Variants in LAMC3 observed in about 807,000 individuals in gnomAD.
LAMC3 encodes laminin subunit gamma-3.
Under a neutral mutation model 173.8 loss-of-function variants are expected in LAMC3, and 128 were observed. The observed-to-expected ratio is 0.74, with a 90% confidence interval of 0.64 to 0.85. The LOEUF (loss-of-function observed/expected upper bound fraction) is 0.85. LAMC3 is among the 40% of genes least tolerant of loss of function. The pLI is 0.00. For synonymous variants in LAMC3, 897 were observed against 909.1 expected, an observed-to-expected ratio of 0.99 and a Z score of 0.24; for missense variants, 2,022 against 2,156.0, an observed-to-expected ratio of 0.94 and a Z score of 1.23.
Position 131,082,104 on chromosome 9 carries a change from G to A in LAMC3, c.3973G>A (p.Val1325Ile), listed in dbSNP as rs568976823. The change falls in exon 24 of 28, where the codon GTC (valine) becomes ATC (isoleucine). Residue 1325 changes from valine to isoleucine, a missense_variant. Physicochemically the swap from Val to Ile is conservative, Grantham distance 29 (BLOSUM62 3). Transcript: ENST00000361069. ...CGCCCTGACCCAGGCTTCCTCATCT[G>A]TCCAGGCTGCGACAGTGACTGTCAT... is the stretch of plus-strand genomic sequence containing the variant. ...RAALTQASSS[V>I]QAATVTVMGA... 14 of 1,614,008 alleles carry A rather than the reference G, an allele frequency of 8.7e-6. No individual in the cohort carries two copies. In the African/African-American group the frequency reaches 1.3e-4, roughly 15 times the overall value.
intron 1 of LAMC3, among the ~76,000 whole-genome samples, chr9:131,013,300 A>G (rs969576128): frequency 1.3e-5 from 2 of 152,086 alleles, no homozygotes; most frequent in Admixed American, 1.3e-4. Flanking sequence ...CCTGGGAGGA[A>G]CAGTATGGGC....
chr9:131,033,713 C>G (rs893289402), intron 3 of LAMC3, among the ~76,000 whole-genome samples: 1 of 152,062 alleles, frequency 6.6e-6, no homozygotes, highest in Non-Finnish European at 1.5e-5. Flanking sequence ...AGGCGGGAGG[C>G]GGCAGCTTGG....
At chr9:131,019,334 G>A (rs1012612899) in intron 1 of LAMC3, among the ~76,000 whole-genome samples, 2 of 152,192 alleles carry the variant, frequency 1.3e-5, no homozygotes, top group Non-Finnish European at 2.9e-5. Context: ...CTTGGGGCAG[G>A]TGCCATGAAT....
chr9:131,061,037 A>G lies in LAMC3; in HGVS notation c.2161A>G (p.Ile721Val), dbSNP rs770443501. The G allele has an allele frequency of 1.9e-6, 3 of 1,613,938 alleles. No homozygotes were observed. The highest frequency in any genetic ancestry group is 1.7e-6 in the Non-Finnish European group (2 of 1,179,966). Reference protein sequence around the residue: ...QHGTCDPNTGICVCSHHTEGP... With the variant: ...QHGTCDPNTGVCVCSHHTEGP... ...GTGGTGCTTGTCTTGCCCCTCAGGG[A>G]TCTGTGTCTGCAGCCACCATACCGA... The change falls in exon 13 of 28, where the codon ATC becomes GTC. Residue 721 changes from isoleucine (I) to valine (V), a missense_variant and splice_region_variant. By Grantham distance (29) the Ile-to-Val change is conservative. Transcript: ENST00000361069.
At chr9:131,083,214 G>C (rs1280549016) in intron 24 of LAMC3, among the ~76,000 whole-genome samples, 1 of 152,106 alleles carries the variant, frequency 6.6e-6, no homozygotes, top group Non-Finnish European at 1.5e-5. Flanking sequence ...CTCCAACAAT[G>C]GGGGGCTCAC....
chr9:131,069,755 TACAAATGTGACCGCTGCCACG>T lies in LAMC3; in HGVS notation c.2979_2999del (p.Lys993_Asp999del), dbSNP rs1564385286. Reference sequence around the variant, plus strand: ...CGTGTGCAGGCCTGGCTTCGAGGGCTACAAATGTGACCGCTGCCACGACAACTTCTTCCTCACGGCAGACGG... The same window carrying T: ...CGTGTGCAGGCCTGGCTTCGAGGGCTACAACTTCTTCCTCACGGCAGACGG... On this transcript the variant is annotated inframe_deletion, in exon 17 of 28. Coordinates refer to ENST00000361069, the MANE Select transcript of LAMC3 (RefSeq NM_006059.4). 4.4e-6 allele frequency: 7 copies of T among 1,598,814 alleles called. No individual in the cohort carries two copies. The highest frequency in any genetic ancestry group is 6.0e-6 in the Non-Finnish European group (7 of 1,173,332).
intron 1 of LAMC3, among the ~76,000 whole-genome samples, chr9:131,012,836 G>T (rs536029051): frequency 6.6e-6 from 1 of 152,358 alleles, no homozygotes; most frequent in South Asian, 2.1e-4. Context: ...GGAATGGGGT[G>T]AGGGGCAGGG....
In LAMC3 at chr9:131,083,625, G is replaced by A. The variant is rs758485803; in HGVS notation, c.4030+1464G>A. The stretch of plus-strand genomic sequence containing the variant: ...TGAGAATATTAAAGGTTCTGAGAAG[G>A]CCTGTAATAAAGAAACCTGCTTCAC... On this transcript the variant is annotated intron_variant, in intron 24 of 27. Coordinates refer to ENST00000361069, the MANE Select transcript of LAMC3 (RefSeq NM_006059.4). Among the ~76,000 whole-genome samples the A allele has an allele frequency of 7.5e-4, 114 of 152,108 alleles. 1 individual carries two copies. Among genetic ancestry groups the A allele is most frequent in the Non-Finnish European group, 2.8e-4 (19 of 68,024 alleles).
At chr9:131,057,480 C>T (rs1040608007) in intron 12 of LAMC3, among the ~76,000 whole-genome samples, 1 of 152,200 alleles carries the variant, frequency 6.6e-6, no homozygotes, top group Non-Finnish European at 1.5e-5. Context: ...CAGGGAAAGA[C>T]CTCAGGGGTC....
In LAMC3 at chr9:131,087,610, G is replaced by A; in HGVS notation, c.4365G>A (p.Glu1455=). ...LASEARRQEL[E]EAERVGAGLS... The stretch of plus-strand genomic sequence containing the variant: ...CTGAAGCACGCAGACAGGAGCTGGA[G>A]GAAGCTGAGCGGGTACGTTTGCCAG... Residue 1455 remains glutamate, a synonymous_variant, in exon 26 of 28, where the codon GAG becomes GAA. Transcript: ENST00000361069. 1.2e-6 allele frequency: 2 copies of A among 1,614,010 alleles called. No homozygotes were observed. The highest frequency in any genetic ancestry group is 1.7e-6 in the Non-Finnish European group (2 of 1,180,008).
At chr9:131,057,674 C>T (rs1256780518) in intron 12 of LAMC3, among the ~76,000 whole-genome samples, 1 of 152,174 alleles carries the variant, frequency 6.6e-6, no homozygotes, top group Non-Finnish European at 1.5e-5. Context: ...AGCCTGCTTC[C>T]TCTTCTGTAA....
At chr9:131,084,140 C>T (rs1830290483) in intron 24 of LAMC3, among the ~76,000 whole-genome samples, 1 of 151,608 alleles carries the variant, frequency 6.6e-6, no homozygotes. Flanking sequence ...GCCTCCGCCT[C>T]CCAAAGTGTT....
intron 3 of LAMC3, among the ~76,000 whole-genome samples, chr9:131,035,359 A>G (rs1356721374): frequency 1.3e-5 from 2 of 152,048 alleles, no homozygotes. Flanking sequence ...GAAACTTACA[A>G]TCATGGCGGA....
rs778075733 is a variant in LAMC3 at position 131,091,789 on chromosome 9, G to A, written c.*2G>A. The A allele has an allele frequency of 6.2e-6, 10 of 1,611,958 alleles. No homozygotes were observed. The East Asian group carries it at 2.0e-4, about 32-fold the overall frequency. ...GAGAACTGTGCCAGCTGGCAGTGAG[G>A]GCTGCCCAGATCCCCGGCACACACT... On this transcript the variant is annotated 3_prime_UTR_variant, in exon 28 of 28. Coordinates refer to ENST00000361069, the MANE Select transcript of LAMC3 (RefSeq NM_006059.4).
At chr9:131,087,939 T>A in intron 27 of LAMC3, 122 bp downstream of exon 27, 1 of 787,340 alleles carries the variant, frequency 1.3e-6, no homozygotes, top group Non-Finnish European at 2.2e-6. Flanking sequence ...GCTTCCCGCA[T>A]CCCCATCTTT....
intron 18 of LAMC3, among the ~76,000 whole-genome samples, chr9:131,072,077 T>C (rs1830046148): frequency 7.2e-6 from 1 of 139,330 alleles, no homozygotes; most frequent in African/African-American, 2.7e-5. Flanking sequence ...GAGGATTGCC[T>C]GAGCCCAGGA....
intron 9 of LAMC3, among the ~76,000 whole-genome samples, chr9:131,050,143 G>A (rs775979553): frequency 4.3e-4 from 65 of 152,366 alleles, no homozygotes; most frequent in Non-Finnish European, 8.4e-4. Flanking sequence ...CCACTCTGCT[G>A]GCATATGTAA....
intron 13 of LAMC3, among the ~76,000 whole-genome samples, chr9:131,062,399 A>G (rs1829847906): frequency 6.6e-6 from 1 of 152,186 alleles, no homozygotes; most frequent in Non-Finnish European, 1.5e-5. Context: ...GACTTTTGAC[A>G]TGTTACAATA....
chr9:131,078,780 T>G (rs1057058036), intron 22 of LAMC3, among the ~76,000 whole-genome samples: 1 of 152,184 alleles, frequency 6.6e-6, no homozygotes, highest in Non-Finnish European at 1.5e-5. Context: ...TGGGGAAGCA[T>G]TCCCACTTTG....
Sources: allele counts gnomAD v4.1 joint callset (sites outside exome capture counted in the v4.1 genomes callset), GRCh38; gene constraint gnomAD v4.1.1; transcripts MANE v1.5; gene names NCBI Gene and HGNC (gene_info 2026-07-23, HGNC 2026-07-21).